DNM3: variants seen among roughly 807,000 people sequenced by gnomAD.
The protein encoded by DNM3 is dynamin 3.
In DNM3, 47 loss-of-function variants were observed where a neutral mutation model predicts 101.6. The ratio of observed to expected loss-of-function variants is 0.46; its 90% CI spans 0.37 to 0.59. DNM3 has a LOEUF of 0.59. Ranked by LOEUF, DNM3 falls within the 20% of genes least tolerant of loss-of-function variation. The probability of loss-of-function intolerance (pLI) is 0.00; values close to 1 mark genes in which losing one functional copy is unlikely to be tolerated. For missense variants in DNM3, 849 were observed against 1,085.7 expected (o/e 0.78, Z 3.06); for synonymous variants, 385 against 387.9 (o/e 0.99, Z 0.09).
At chr1:171,851,642 G>A (rs1221687762) in intron 1 of DNM3, among the ~76,000 whole-genome samples, 1 of 152,180 alleles carries the variant, frequency 6.6e-6, no homozygotes, top group African/African-American at 2.4e-5. Flanking sequence ...TTGAACTCCT[G>A]ACCTCAGGTG....
At chr1:172,061,413 G>C (rs913994659) in intron 10 of DNM3, among the ~76,000 whole-genome samples, 2 of 150,742 alleles carry the variant, frequency 1.3e-5, no homozygotes, top group African/African-American at 4.9e-5. Context: ...GTTTATTGCA[G>C]CACTATTCAC....
chr1:172,052,963 G>C (rs1317484214), intron 10 of DNM3, among the ~76,000 whole-genome samples: 1 of 152,132 alleles, frequency 6.6e-6, no homozygotes, highest in Non-Finnish European at 1.5e-5. Context: ...TTTTAAGCCT[G>C]AATTATTCCA....
intron 15 of DNM3, 106 bp downstream of exon 15, chr1:172,253,788 G>T (rs1011470123): frequency 5.0e-6 from 3 of 605,996 alleles, no homozygotes; most frequent in African/African-American, 3.8e-5. Context: ...CTTGAAATTT[G>T]TCTGCTCTTC....
chr1:172,081,980 G>A (rs1224710503), intron 12 of DNM3, 78 bp downstream of exon 12: 1 of 1,404,388 alleles, frequency 7.1e-7, no homozygotes, highest in African/African-American at 1.4e-5. Flanking sequence ...TTTTACTACA[G>A]TTTCACCACC....
chr1:172,113,915 G>C (rs2055698376), intron 13 of DNM3, among the ~76,000 whole-genome samples: 1 of 152,132 alleles, frequency 6.6e-6, no homozygotes, highest in Admixed American at 6.6e-5. Context: ...GCCTAGAAAA[G>C]GGATTTTGAC....
At chr1:172,181,532 G>A (rs1057033279) in intron 14 of DNM3, among the ~76,000 whole-genome samples, 5 of 151,880 alleles carry the variant, frequency 3.3e-5, no homozygotes, top group African/African-American at 4.8e-5. Context: ...AAACAGAAAC[G>A]AACTATGTGA....
At chr1:171,964,283 C>A (rs2043417481) in intron 2 of DNM3, among the ~76,000 whole-genome samples, 1 of 152,076 alleles carries the variant, frequency 6.6e-6, no homozygotes, top group African/African-American at 2.4e-5. Context: ...ACAGTCTATT[C>A]TCTCTGAAGC....
At chr1:171,868,595 A>G (rs1248995040) in intron 1 of DNM3, among the ~76,000 whole-genome samples, 2 of 152,168 alleles carry the variant, frequency 1.3e-5, no homozygotes, top group African/African-American at 2.4e-5. Context: ...CACAACTTAG[A>G]CAATTTTTCA....
At position 171,869,464 on chromosome 1, in the gene DNM3, T is replaced by C. The variant is rs891573167; in HGVS notation, c.161+27647T>C. On this transcript the variant is annotated intron_variant, in intron 1 of 20. Coordinates refer to ENST00000627582, the MANE Select transcript of DNM3 (RefSeq NM_015569.5). ...TCCTCATAAGGAAAGAAGGTAGTTA[T>C]ATCTGTCAGTTACAATTAGCTGTAG... Among the ~76,000 whole-genome samples the C allele has an allele frequency of 2.6e-5, 4 of 152,238 alleles. No individual in the cohort carries two copies. In the South Asian group the frequency reaches 6.2e-4, roughly 24 times the overall value.
intron 15 of DNM3, among the ~76,000 whole-genome samples, chr1:172,269,500 C>T (rs1436079966): frequency 6.6e-6 from 1 of 152,108 alleles, no homozygotes; most frequent in African/African-American, 2.4e-5. Flanking sequence ...TTAAATGAGA[C>T]ACTGTAGTGG....
At chr1:172,161,900 T>A (rs1395198017) in intron 14 of DNM3, among the ~76,000 whole-genome samples, 2 of 152,114 alleles carry the variant, frequency 1.3e-5, no homozygotes, top group African/African-American at 4.8e-5. Context: ...TTGTGGGTTT[T>A]CTTTCAGTGA....
At chr1:172,057,992 G>T (rs548534288) in intron 10 of DNM3, among the ~76,000 whole-genome samples, 1 of 142,878 alleles carries the variant, frequency 7.0e-6, no homozygotes, top group African/African-American at 2.7e-5. Flanking sequence ...ATGAAAGGAT[G>T]GAGGAAGATC....
intron 14 of DNM3, among the ~76,000 whole-genome samples, chr1:172,155,342 C>T (rs573053324): frequency 1.7e-4 from 25 of 150,676 alleles, no homozygotes; most frequent in African/African-American, 5.6e-4. Flanking sequence ...AAGATCATAA[C>T]ATTAAATTGT....
intron 14 of DNM3, among the ~76,000 whole-genome samples, chr1:172,197,450 C>A: frequency 6.6e-6 from 1 of 152,048 alleles, no homozygotes; most frequent in East Asian, 1.9e-4. Context: ...TGAAGAATGT[C>A]ATTGGTAGTT....
chr1:172,180,542 T>A (rs2059308274), intron 14 of DNM3, among the ~76,000 whole-genome samples: 1 of 152,126 alleles, frequency 6.6e-6, no homozygotes, highest in African/African-American at 2.4e-5. Context: ...ACTGCTAGAA[T>A]ACAGTGTGAT....
At chr1:172,413,752 C>G (rs1432893268), downstream of DNM3, among the ~76,000 whole-genome samples, 1 of 152,170 alleles carries the variant, frequency 6.6e-6, no homozygotes, top group African/African-American at 2.4e-5. Flanking sequence ...GCGATCAGGG[C>G]ATGCTCATTG....
intron 16 of DNM3, among the ~76,000 whole-genome samples, chr1:172,322,549 G>A (rs1447043932): frequency 6.6e-6 from 1 of 152,074 alleles, no homozygotes; most frequent in Non-Finnish European, 1.5e-5. Flanking sequence ...TTGCCCTGCC[G>A]CCTGCTGCTG....
At chr1:172,124,392 ACCACAGCT>A (rs1446289597) in intron 13 of DNM3, among the ~76,000 whole-genome samples, 1 of 152,228 alleles carries the variant, frequency 6.6e-6, no homozygotes, top group African/African-American at 2.4e-5. Context: ...ATTTGCAGGG[ACCACAGCT>A]CCAGTTACCC....
chr1:172,083,428 AT>A (rs1164009837), intron 12 of DNM3, among the ~76,000 whole-genome samples: 2 of 152,206 alleles, frequency 1.3e-5, no homozygotes, highest in African/African-American at 4.8e-5. Flanking sequence ...AGACAAACAA[AT>A]CCTTGAGACA....
Sources: gnomAD v4.1 joint callset for allele counts (sites outside exome capture counted in the v4.1 genomes callset) on GRCh38, gnomAD v4.1.1 for gene constraint, MANE v1.5 for transcripts, NCBI Gene and HGNC (gene_info 2026-07-23, HGNC 2026-07-21) for gene names.